Variants in BTD observed in about 807,000 individuals in gnomAD.
BTD encodes the protein biotinidase, also known as biocytinase.
Under a neutral mutation model 17.7 loss-of-function variants are expected in BTD, and 13 were observed. That is an observed-to-expected ratio of 0.74 (90% CI 0.48 to 1.17). The LOEUF (loss-of-function observed/expected upper bound fraction) is 1.17, where lower values mean the gene tolerates loss of function less well. Among genes scored for constraint, BTD ranks in the 50% most tolerant of loss-of-function variants. BTD has a pLI of 0.00. For missense variants in BTD, 674 were observed against 650.4 expected, an observed-to-expected ratio of 1.04 and a Z score of -0.39; for synonymous variants, 240 against 245.2, an observed-to-expected ratio of 0.98 and a Z score of 0.20.
intron 1 of BTD, among the ~76,000 whole-genome samples, chr3:15,619,718 A>G (rs1478796207): frequency 2.0e-5 from 3 of 152,196 alleles, no homozygotes; most frequent in Non-Finnish European, 4.4e-5. Flanking sequence ...CTCTAGGGAG[A>G]TACTGGGAGA....
downstream of BTD, among the ~76,000 whole-genome samples, chr3:15,715,526 T>C (rs559463987): frequency 1.4e-4 from 22 of 152,332 alleles, no homozygotes; most frequent in South Asian, 3.5e-3. Flanking sequence ...AGCCATCCAA[T>C]TGACAAGTAA....
intron 3 of BTD, among the ~76,000 whole-genome samples, chr3:15,659,266 G>A (rs182436954): frequency 5.9e-5 from 9 of 152,088 alleles, no homozygotes; most frequent in East Asian, 1.9e-4. Context: ...AATGAAGGTC[G>A]TGCTTCCACA....
rs923164338 is a variant in BTD at position 15,678,459 on chromosome 3, A to G, written c.400-31601A>G. 23 of 1,052,368 alleles carry G rather than the reference A, an allele frequency of 2.2e-5. No individual in the cohort carries two copies. In the African/African-American group the frequency reaches 3.2e-4, roughly 15 times the overall value. The allele number at this position is 1,052,368 out of a possible 1,614,324, so 65.2% of individuals were successfully genotyped here. ...TGCTGTTTTTAAGGGTTTACATATT[A>G]GGCTACAAAAGCACTGCCTGTACAC... On this transcript the variant is annotated intron_variant, in intron 3 of 3. Coordinates refer to the BTD transcript ENST00000672141.
At chr3:15,615,449 A>G (rs920717989) in intron 1 of BTD, among the ~76,000 whole-genome samples, 5 of 152,218 alleles carry the variant, frequency 3.3e-5, no homozygotes, top group Non-Finnish European at 7.3e-5. Context: ...CTATATGCAC[A>G]GATCTCACTC....
chr3:15,611,261 A>T (rs530110171), intron 1 of BTD, among the ~76,000 whole-genome samples: 14 of 152,006 alleles, frequency 9.2e-5, no homozygotes, highest in Admixed American at 2.0e-4. Context: ...TACCCTCTGT[A>T]CTCTTCCTCT....
chr3:15,611,667 A>T (rs1373166352), intron 1 of BTD, among the ~76,000 whole-genome samples: 1 of 151,770 alleles, frequency 6.6e-6, no homozygotes, highest in Non-Finnish European at 1.5e-5. Context: ...AGTCCCAGCT[A>T]CTCTGGAGGC....
At chr3:15,678,279 G>T in intron 3 of BTD, 1 of 1,613,086 alleles carries the variant, frequency 6.2e-7, no homozygotes, top group South Asian at 1.1e-5. Flanking sequence ...CCACAGAATT[G>T]ACTTGAGCAT....
chr3:15,669,913 A>C (rs958035245), intron 3 of BTD: 1 of 171,512 alleles, frequency 5.8e-6, no homozygotes, highest in Non-Finnish European at 1.2e-5. Flanking sequence ...TTTATTGATA[A>C]AATTTAAATC....
rs773703423 is a variant in BTD at position 15,670,294 on chromosome 3, G to A, written c.399+28237G>A. The A allele has an allele frequency of 1.9e-5, 31 of 1,613,590 alleles. No homozygotes were observed. In the Admixed American group the frequency reaches 3.8e-4, roughly 20 times the overall value. The stretch of plus-strand genomic sequence containing the variant: ...CTCAGTAGGTCTCAGAATCGGAGTC[G>A]TTGAGCTCATCCACGTCAGTGTATA... On this transcript the variant is annotated intron_variant, in intron 3 of 3. Transcript: ENST00000672141.
At chr3:15,679,538 A>T in intron 3 of BTD, 3 of 1,613,080 alleles carry the variant, frequency 1.9e-6, no homozygotes, top group Non-Finnish European at 2.5e-6. Flanking sequence ...CCTGTTCTAA[A>T]AGCAGTTCTA....
At chr3:15,720,318 C>T (rs1459184187) in intron 4 of BTD, among the ~76,000 whole-genome samples, 1 of 152,116 alleles carries the variant, frequency 6.6e-6, no homozygotes, top group African/African-American at 2.4e-5. Flanking sequence ...AGTGAACATC[C>T]ATATACATAC....
chr3:15,612,506 G>C (rs371515484), intron 1 of BTD, among the ~76,000 whole-genome samples: 49 of 152,192 alleles, frequency 3.2e-4, no homozygotes, highest in African/African-American at 1.2e-3. Flanking sequence ...AAATACCCTT[G>C]ATCTTTTTAT....
chr3:15,631,174 G>C (rs1339191155), intron 1 of BTD, among the ~76,000 whole-genome samples: 1 of 152,198 alleles, frequency 6.6e-6, no homozygotes, highest in Non-Finnish European at 1.5e-5. Context: ...ACATAGAAAT[G>C]TATACTATGC....
intron 3 of BTD, among the ~76,000 whole-genome samples, chr3:15,666,853 A>C (rs1301427524): frequency 2.6e-5 from 4 of 152,234 alleles, no homozygotes; most frequent in Non-Finnish European, 5.9e-5. Flanking sequence ...CAATGTCCGC[A>C]CCTAGTCTTC....
intron 4 of BTD, among the ~76,000 whole-genome samples, chr3:15,721,478 T>C (rs952207313): frequency 6.6e-6 from 1 of 152,154 alleles, no homozygotes; most frequent in African/African-American, 2.4e-5. Flanking sequence ...ATTATAATCA[T>C]AAAAAATGAA....
chr3:15,713,457 C>A, downstream of BTD: 3 of 1,189,120 alleles, frequency 2.5e-6, no homozygotes, highest in Admixed American at 2.2e-5. Context: ...CGTGAAATGT[C>A]TAGAAAACTG....
At chr3:15,680,408 TGTTG>T (rs1229853683) in intron 3 of BTD, among the ~76,000 whole-genome samples, 1 of 152,070 alleles carries the variant, frequency 6.6e-6, no homozygotes, top group Non-Finnish European at 1.5e-5. Flanking sequence ...GGTTTCACCA[TGTTG>T]GTCAGGCTGA....
chr3:15,644,661 C>G lies in BTD; in HGVS notation c.745C>G (p.Pro249Ala). Reference sequence around the variant, plus strand: ...CTACAAGGTGAAGCATGTTGTGTACCCAACTGCCTGGATGAACCAGCTCCC... The same window carrying G: ...CTACAAGGTGAAGCATGTTGTGTACGCAACTGCCTGGATGAACCAGCTCCC... ...RDYKVKHVVY[P>A]TAWMNQLPLL... The change falls in exon 4 of 4, where the codon CCA becomes GCA. Residue 249 changes from proline to alanine, a missense_variant. By Grantham distance (27) the Pro-to-Ala change is conservative. Coordinates refer to ENST00000643237, the MANE Select transcript of BTD (RefSeq NM_001370658.1). 1.9e-6 allele frequency: 3 copies of G among 1,614,168 alleles called. No homozygotes were observed. Among genetic ancestry groups the G allele is most frequent in the Non-Finnish European group, 2.5e-6 (3 of 1,180,038 alleles).
chr3:15,645,551 G>A lies in BTD; in HGVS notation c.*63G>A. 4 of 1,575,640 alleles carry A rather than the reference G, an allele frequency of 2.5e-6. No homozygotes were observed. Among genetic ancestry groups the A allele is most frequent in the Admixed American group, 1.7e-5 (1 of 59,704 alleles). ...ATGTTGACAGCCTTGCACTTCCACA[G>A]GCTACAAGCCCTGGGACCATCTTTC... On this transcript the variant is annotated 3_prime_UTR_variant, in exon 4 of 4. Coordinates refer to ENST00000643237, the MANE Select transcript of BTD (RefSeq NM_001370658.1).
Sources: gnomAD v4.1 joint callset for allele counts (sites outside exome capture counted in the v4.1 genomes callset) on GRCh38, gnomAD v4.1.1 for gene constraint, MANE v1.5 for transcripts, NCBI Gene and HGNC (gene_info 2026-07-23, HGNC 2026-07-21) for gene names.